Variants in ACSS3 observed in about 807,000 individuals in gnomAD.
The protein encoded by ACSS3 is acyl-CoA synthetase short chain family member 3.
ACSS3 carries 64 observed loss-of-function variants against 84.2 expected under a neutral mutation model. The observed-to-expected ratio is 0.76, with a 90% CI of 0.62 to 0.94. ACSS3 has a LOEUF of 0.94. Among genes scored for constraint, ACSS3 ranks in the 40% least tolerant of loss-of-function variants. The probability of loss-of-function intolerance (pLI) is 0.00; values close to 1 mark genes in which losing one functional copy is unlikely to be tolerated. For missense variants in ACSS3, 815 were observed against 867.6 expected, an observed-to-expected ratio of 0.94 and a Z score of 0.76; for synonymous variants, 317 against 310.1, an observed-to-expected ratio of 1.02 and a Z score of -0.23.
intron 5 of ACSS3, among the ~76,000 whole-genome samples, chr12:81,151,194 T>G (rs547318328): frequency 6.6e-6 from 1 of 152,310 alleles, no homozygotes; most frequent in Admixed American, 6.5e-5. Flanking sequence ...GTGAAAACTT[T>G]ACTACAATGA....
At chr12:81,206,167 A>G (rs186664761) in intron 9 of ACSS3, among the ~76,000 whole-genome samples, 26 of 152,204 alleles carry the variant, frequency 1.7e-4, no homozygotes, top group Non-Finnish European at 3.5e-4. Flanking sequence ...ACTACTTGTT[A>G]TTCTCTGCTT....
At chr12:81,161,816 C>T (rs1887163573) in intron 7 of ACSS3, among the ~76,000 whole-genome samples, 1 of 130,564 alleles carries the variant, frequency 7.7e-6, no homozygotes, top group African/African-American at 2.6e-5. Flanking sequence ...AGCATGCAAG[C>T]GTGGGGTCCA....
intron 8 of ACSS3, among the ~76,000 whole-genome samples, chr12:81,179,693 C>G (rs2135837748): frequency 1.3e-5 from 2 of 148,816 alleles, no homozygotes; most frequent in South Asian, 2.1e-4. Flanking sequence ...ATGGCGTGAA[C>G]CCGGGAGGTG....
At chr12:81,111,385 A>G (rs1252272211) in intron 2 of ACSS3, among the ~76,000 whole-genome samples, 1 of 152,142 alleles carries the variant, frequency 6.6e-6, no homozygotes, top group Non-Finnish European at 1.5e-5. Context: ...CATACAAGAC[A>G]TGGGGTTTTA....
chr12:81,132,487 T>C (rs1885568379), intron 2 of ACSS3, among the ~76,000 whole-genome samples: 1 of 152,310 alleles, frequency 6.6e-6, no homozygotes, highest in East Asian at 1.9e-4. Context: ...CCCTTTATCA[T>C]TTTTTATTGC....
chr12:81,135,336 ATATAT>A (rs1435391788), intron 3 of ACSS3, among the ~76,000 whole-genome samples: 2 of 143,322 alleles, frequency 1.4e-5, no homozygotes, highest in African/African-American at 2.6e-5. Context: ...ATATATTATA[ATATAT>A]TATATATCAC....
At chr12:81,161,342 T>G (rs944785154) in intron 7 of ACSS3, among the ~76,000 whole-genome samples, 1 of 152,046 alleles carries the variant, frequency 6.6e-6, no homozygotes, top group Non-Finnish European at 1.5e-5. Flanking sequence ...TCTCTCCCCT[T>G]GTAGATCTAT....
intron 2 of ACSS3, among the ~76,000 whole-genome samples, chr12:81,131,445 T>C (rs1282890450): frequency 2.0e-5 from 3 of 152,166 alleles, no homozygotes; most frequent in African/African-American, 2.4e-5. Flanking sequence ...TATTGATGTA[T>C]AGGAATGCCT....
At chr12:81,249,868 A>C (rs932983941) in intron 13 of ACSS3, among the ~76,000 whole-genome samples, 2 of 152,112 alleles carry the variant, frequency 1.3e-5, no homozygotes, top group African/African-American at 4.8e-5. Flanking sequence ...TTAAATTAAG[A>C]TTCTTAAAAA....
intron 8 of ACSS3, among the ~76,000 whole-genome samples, chr12:81,195,163 C>T (rs2031766682): frequency 6.6e-6 from 1 of 151,940 alleles, no homozygotes; most frequent in Admixed American, 6.6e-5. Context: ...ATCAGCCAAA[C>T]CTATCATTTT....
intron 8 of ACSS3, among the ~76,000 whole-genome samples, chr12:81,181,921 T>A (rs1306355232): frequency 6.6e-6 from 1 of 152,014 alleles, no homozygotes; most frequent in African/African-American, 2.4e-5. Context: ...TGGGACGTCA[T>A]TAAGTGAAGA....
intron 2 of ACSS3, among the ~76,000 whole-genome samples, chr12:81,120,646 A>C (rs1309257211): frequency 6.6e-6 from 1 of 152,220 alleles, no homozygotes; most frequent in African/African-American, 2.4e-5. Flanking sequence ...ATAGCTATGA[A>C]AAATGATGCC....
rs936637658 is a variant in ACSS3 at position 81,258,496 on chromosome 12, A to G, written c.*3574A>G. The G allele has an allele frequency of 2.0e-5, 3 of 152,148 alleles. No homozygotes were observed. Among genetic ancestry groups the G allele is most frequent in the Admixed American group, 6.6e-5 (1 of 15,262 alleles). The allele number at this position is 152,148 out of a possible 1,614,324, so 9.4% of individuals were successfully genotyped here. ...TATTATTAAATAGGCTTTACTTTGAATCTCCCATATAAACAAAGAATAAAC... is the reference window on the plus strand; with the variant it reads ...TATTATTAAATAGGCTTTACTTTGAGTCTCCCATATAAACAAAGAATAAAC... On this transcript the variant is annotated 3_prime_UTR_variant, in exon 16 of 16. Transcript: ENST00000548058.
intron 13 of ACSS3, among the ~76,000 whole-genome samples, chr12:81,250,819 C>T (rs541052292): frequency 6.6e-6 from 1 of 152,246 alleles, no homozygotes; most frequent in Admixed American, 6.5e-5. Flanking sequence ...AATACCAAGT[C>T]AGAATTCATA....
In ACSS3 at chr12:81,244,881, T is replaced by A. The variant is rs139426211; in HGVS notation, c.1720-8426T>A. Among the ~76,000 whole-genome samples, 101 of 152,084 alleles carry A rather than the reference T, an allele frequency of 6.6e-4. 1 individual carries two copies. The East Asian group carries it at 0.017, about 25-fold the overall frequency. On this transcript the variant is annotated intron_variant, in intron 13 of 15. Coordinates refer to ENST00000548058, the MANE Select transcript of ACSS3 (RefSeq NM_024560.4). ...TTCCTGTCATATGAAACTCTGTTTC[T>A]AATGCTTCTTCAGTCTATTCAAACT...
chr12:81,182,385 C>G (rs1164690974), intron 8 of ACSS3, among the ~76,000 whole-genome samples: 2 of 152,060 alleles, frequency 1.3e-5, no homozygotes, highest in Non-Finnish European at 2.9e-5. Context: ...TTATAAGAAA[C>G]AATTAAGGAA....
intron 5 of ACSS3, among the ~76,000 whole-genome samples, chr12:81,151,304 T>C (rs1282758796): frequency 6.6e-6 from 1 of 152,194 alleles, no homozygotes; most frequent in Non-Finnish European, 1.5e-5. Context: ...CTAGAGTTCA[T>C]AACTAAAGAA....
At chr12:81,124,339 G>A (rs1242611537) in intron 2 of ACSS3, 1 of 152,212 alleles carries the variant, frequency 6.6e-6, no homozygotes, top group Non-Finnish European at 1.5e-5. Context: ...TCTCTTCTGT[G>A]TTCACTTTTC....
At chr12:81,095,511 A>C (rs1424539575) in intron 1 of ACSS3, among the ~76,000 whole-genome samples, 2 of 152,122 alleles carry the variant, frequency 1.3e-5, no homozygotes, top group African/African-American at 4.8e-5. Context: ...TTTCCTCTAG[A>C]ATACAAATAA....
Sources: allele counts gnomAD v4.1 joint callset (sites outside exome capture counted in the v4.1 genomes callset), GRCh38; gene constraint gnomAD v4.1.1; transcripts MANE v1.5; gene names NCBI Gene and HGNC (gene_info 2026-07-23, HGNC 2026-07-21).